CCDC6: variants seen among roughly 807,000 people sequenced by gnomAD.
The protein encoded by CCDC6 is coiled-coil domain-containing protein 6.
In CCDC6, 20 loss-of-function variants were observed where a neutral mutation model predicts 56.6. That is an observed-to-expected ratio of 0.35 (90% CI 0.25 to 0.51). The LOEUF (loss-of-function observed/expected upper bound fraction) is 0.51. CCDC6 is among the 20% of genes least tolerant of loss of function. The pLI is 0.95. For missense variants in CCDC6, 367 were observed against 601.1 expected, an observed-to-expected ratio of 0.61 and a Z score of 4.07; for synonymous variants, 241 against 234.4, an observed-to-expected ratio of 1.03 and a Z score of -0.26.
chr10:59,812,457 A>G (rs908690707), intron 5 of CCDC6, among the ~76,000 whole-genome samples, 178 bp downstream of exon 5: 3 of 132,718 alleles, frequency 2.3e-5, no homozygotes, highest in Non-Finnish European at 3.3e-5. Context: ...CCCCTACTAT[A>G]ACACTCAAAA....
At chr10:59,840,801 T>A (rs1443205101) in intron 2 of CCDC6, among the ~76,000 whole-genome samples, 3 of 152,164 alleles carry the variant, frequency 2.0e-5, no homozygotes, top group Non-Finnish European at 2.9e-5. Context: ...CATCCACAAA[T>A]CCTATGAGGT....
chr10:59,876,726 G>A (rs955932803), intron 1 of CCDC6, among the ~76,000 whole-genome samples: 1 of 151,928 alleles, frequency 6.6e-6, no homozygotes, highest in Non-Finnish European at 1.5e-5. Context: ...GCACAGCAAT[G>A]TATTAAAATT....
chr10:59,814,599 A>AACACACACACACACACACACAC (rs111613433), intron 4 of CCDC6, 53 bp downstream of exon 4: 2 of 927,204 alleles, frequency 2.2e-6, no homozygotes, highest in East Asian at 5.0e-5. Flanking sequence ...CCAGAGCAGC[A>AACACACACACACACACACACAC]ACACACACAC....
At position 59,792,195 on chromosome 10, in the gene CCDC6, T is replaced by TCTCGGTGGTCGCCG; in HGVS notation, c.*721_*722insCGGCGACCACCGAG. 1.2e-5 allele frequency: 3 copies of TCTCGGTGGTCGCCG among 253,410 alleles called. No individual in the cohort carries two copies. Among genetic ancestry groups the TCTCGGTGGTCGCCG allele is most frequent in the South Asian group, 1.1e-4 (1 of 9,200 alleles). 15.7% of individuals were successfully genotyped at this position (253,410 alleles called of 1,614,324 possible). A position where few individuals can be genotyped will look rare whatever the true frequency, so the allele number is the denominator to read the frequency against. ...GTTAGAGGGGGCCAGGTTAAGTAGA[T>TCTCGGTGGTCGCCG]TAACATTAAGGATAAAAAAGAGAAT... On this transcript the variant is annotated 3_prime_UTR_variant, in exon 9 of 9. Coordinates refer to ENST00000263102, the MANE Select transcript of CCDC6 (RefSeq NM_005436.5).
At chr10:59,848,640 T>TTCATTATATG (rs1222498835) in intron 2 of CCDC6, among the ~76,000 whole-genome samples, 1 of 152,162 alleles carries the variant, frequency 6.6e-6, no homozygotes, top group Non-Finnish European at 1.5e-5. Context: ...ACAAATAAGA[T>TTCATTATATG]TCATTATATG....
intron 3 of CCDC6, 113 bp from the exon 4 acceptor site, chr10:59,814,868 G>A: frequency 3.0e-6 from 2 of 671,364 alleles, no homozygotes; most frequent in Non-Finnish European, 5.3e-6. Context: ...CAAACATGTG[G>A]CCAATTTTCT....
intron 1 of CCDC6, among the ~76,000 whole-genome samples, chr10:59,905,766 T>A (rs2071539397): frequency 6.6e-6 from 1 of 151,916 alleles, no homozygotes; most frequent in Non-Finnish European, 1.5e-5. Context: ...GACGCACCCC[T>A]CAAACATGCT....
chr10:59,794,700 A>G (rs1337847777), intron 7 of CCDC6, 103 bp from the exon 8 acceptor site: 7 of 893,562 alleles, frequency 7.8e-6, no homozygotes, highest in Non-Finnish European at 1.2e-5. Context: ...TCACCCACAA[A>G]AATACAAACA....
chr10:59,879,679 AC>A (rs2071316561), intron 1 of CCDC6, among the ~76,000 whole-genome samples: 1 of 152,168 alleles, frequency 6.6e-6, no homozygotes, highest in Non-Finnish European at 1.5e-5. Flanking sequence ...GTACTGAGAT[AC>A]CCAATCACAG....
chr10:59,789,621 G>A lies in CCDC6; in HGVS notation c.*3296C>T, dbSNP rs1201615221. The A allele has an allele frequency of 1.3e-5, 3 of 228,122 alleles. No individual in the cohort carries two copies. Among genetic ancestry groups the A allele is most frequent in the Non-Finnish European group, 2.6e-5 (3 of 114,754 alleles). 14.1% of individuals were successfully genotyped at this position (228,122 alleles called of 1,614,324 possible). ...TGTTTTACTATGTATTTCTTTGGTA[G>A]TCATCACTACAAAGTTTTCAGTGTT... On this transcript the variant is annotated 3_prime_UTR_variant, in exon 9 of 9. Coordinates refer to ENST00000263102, the MANE Select transcript of CCDC6 (RefSeq NM_005436.5).
chr10:59,880,945 G>A (rs2071328793), intron 1 of CCDC6, among the ~76,000 whole-genome samples: 1 of 152,130 alleles, frequency 6.6e-6, no homozygotes, highest in Non-Finnish European at 1.5e-5. Context: ...AGGAAGGAAC[G>A]ATCAGTTCTG....
At chr10:59,899,461 A>G (rs757479371) in intron 1 of CCDC6, among the ~76,000 whole-genome samples, 3 of 152,238 alleles carry the variant, frequency 2.0e-5, no homozygotes, top group Non-Finnish European at 4.4e-5. Context: ...AGGAAAACAC[A>G]CACACACAAA....
chr10:59,851,131 GAAAAAAAA>G (rs372606692), intron 2 of CCDC6, among the ~76,000 whole-genome samples: 10 of 46,756 alleles, frequency 2.1e-4, no homozygotes, highest in South Asian at 1.1e-3. Context: ...CATGTAAATT[GAAAAAAAA>G]AAAAAAAAAA....
chr10:59,845,565 G>A (rs946962821), intron 2 of CCDC6, among the ~76,000 whole-genome samples: 1 of 152,062 alleles, frequency 6.6e-6, no homozygotes, highest in Non-Finnish European at 1.5e-5. Flanking sequence ...TTTGGCCACT[G>A]GTGGCTGTAG....
chr10:59,792,629 A>G lies in CCDC6; in HGVS notation c.*288T>C, dbSNP rs1277731092. The G allele has an allele frequency of 1.4e-6, 1 of 697,458 alleles. No individual in the cohort carries two copies. Among genetic ancestry groups the G allele is most frequent in the Non-Finnish European group, 2.7e-6 (1 of 375,366 alleles). 43.2% of individuals were successfully genotyped at this position (697,458 alleles called of 1,614,324 possible). ...GCTCTGGGCCAAGCAAAAATTGCAC[A>G]CTGCTGCTGAAATACCAAATACCAA... is the stretch of plus-strand genomic sequence containing the variant. On this transcript the variant is annotated 3_prime_UTR_variant, in exon 9 of 9. Coordinates refer to ENST00000263102, the MANE Select transcript of CCDC6 (RefSeq NM_005436.5).
At chr10:59,807,168 A>G (rs2070632298) in intron 5 of CCDC6, 90 bp from the exon 6 acceptor site, 3 of 1,126,958 alleles carry the variant, frequency 2.7e-6, no homozygotes, top group Admixed American at 4.3e-5. Context: ...CCCCTATGCC[A>G]TAGACAGAGG....
At chr10:59,806,634 C>CA (rs1319563720) in intron 6 of CCDC6, 30 of 328,848 alleles carry the variant, frequency 9.1e-5, no homozygotes, top group Non-Finnish European at 2.8e-5. Flanking sequence ...TAAACTAATT[C>CA]AACAACAAAT....
rs140808327 is a variant in CCDC6 at position 59,889,803 on chromosome 10, C to A, written c.303+16319G>T. ...AGGGGAGTTCCAACTTCTTGGTGAC[C>A]GCAGCCCCTGGGCTCTGATGGCACT... On this transcript the variant is annotated intron_variant, in intron 1 of 8. Coordinates refer to ENST00000263102, the MANE Select transcript of CCDC6 (RefSeq NM_005436.5). 2.0e-5 allele frequency among the ~76,000 whole-genome samples: 3 copies of A among 152,140 alleles called. No homozygotes were observed. The South Asian group carries it at 6.2e-4, about 32-fold the overall frequency.
chr10:59,816,284 C>G (rs2070709159), intron 3 of CCDC6, among the ~76,000 whole-genome samples: 1 of 152,142 alleles, frequency 6.6e-6, no homozygotes, highest in South Asian at 2.1e-4. Flanking sequence ...AAGGAGGTCT[C>G]AAACAGATGG....
Sources: gnomAD v4.1 joint callset for allele counts (sites outside exome capture counted in the v4.1 genomes callset) on GRCh38, gnomAD v4.1.1 for gene constraint, MANE v1.5 for transcripts, NCBI Gene and HGNC (gene_info 2026-07-23, HGNC 2026-07-21) for gene names.